Variants in CPQ observed in about 807,000 individuals in gnomAD.
CPQ encodes the protein Ser-Met dipeptidase.
A neutral mutation model predicts 45.7 loss-of-function variants in CPQ; 37 were observed. The ratio of observed to expected loss-of-function variants is 0.81; its 90% CI spans 0.62 to 1.07. The LOEUF (loss-of-function observed/expected upper bound fraction) is 1.07. Ranked by LOEUF, CPQ falls within the 50% of genes least tolerant of loss-of-function variation. The pLI is 0.00. For synonymous variants in CPQ, 186 were observed against 205.8 expected, an observed-to-expected ratio of 0.90 and a Z score of 0.82; for missense variants, 537 against 572.9, an observed-to-expected ratio of 0.94 and a Z score of 0.64.
At chr8:96,967,825 G>T (rs1434529744) in intron 5 of CPQ, among the ~76,000 whole-genome samples, 1 of 152,186 alleles carries the variant, frequency 6.6e-6, no homozygotes, top group African/African-American at 2.4e-5. Context: ...AGTCTGCTAG[G>T]TGTGTGGCCT....
chr8:97,068,049 G>A (rs1386126261), intron 7 of CPQ, among the ~76,000 whole-genome samples: 1 of 152,114 alleles, frequency 6.6e-6, no homozygotes, highest in South Asian at 2.1e-4. Context: ...TTCAAGGTGA[G>A]GTAAGGAGCT....
intron 1 of CPQ, among the ~76,000 whole-genome samples, chr8:96,710,055 T>C (rs1176344928): frequency 6.6e-6 from 1 of 152,114 alleles, no homozygotes; most frequent in Non-Finnish European, 1.5e-5. Context: ...AAATTACTGA[T>C]TCGATGTTAC....
chr8:96,938,115 C>T (rs28463602), intron 4 of CPQ, among the ~76,000 whole-genome samples: 14,918 of 152,242 alleles, frequency 0.098, 1,402 homozygotes, highest in African/African-American at 0.25. Context: ...TAGCTTCTTT[C>T]ACCAGCGTTA....
chr8:96,913,216 C>G (rs554777672), intron 4 of CPQ, among the ~76,000 whole-genome samples: 1 of 152,326 alleles, frequency 6.6e-6, no homozygotes, highest in African/African-American at 2.4e-5. Context: ...CCAGATGTCC[C>G]ATACATATGG....
At chr8:96,986,797 A>T (rs1453604589) in intron 5 of CPQ, among the ~76,000 whole-genome samples, 1 of 152,202 alleles carries the variant, frequency 6.6e-6, no homozygotes, top group Non-Finnish European at 1.5e-5. Context: ...CGTTTGAATC[A>T]CACACGTCTA....
At position 97,123,024 on chromosome 8, in the gene CPQ, T is replaced by TAAATAAAATA. The variant is rs71271115; in HGVS notation, c.1256-19983_1256-19974dup. ...AAATATAAAATAAAATAAAATAAAA[T>TAAATAAAATA]AAATAAAATAAAATAAAATAAATAA... On this transcript the variant is annotated intron_variant, in intron 7 of 7. Coordinates refer to ENST00000220763, the MANE Select transcript of CPQ (RefSeq NM_016134.4). Among the ~76,000 whole-genome samples, 9 of 26,406 alleles carry TAAATAAAATA rather than the reference T, an allele frequency of 3.4e-4. 1 individual carries two copies. Among genetic ancestry groups the TAAATAAAATA allele is most frequent in the Non-Finnish European group, 4.9e-4 (8 of 16,358 alleles). 17.3% of individuals were successfully genotyped at this position (26,406 alleles called of 152,430 possible). A position where few individuals can be genotyped will look rare whatever the true frequency, so the allele number is the denominator to read the frequency against.
chr8:97,050,192 A>G (rs946408283), intron 6 of CPQ, among the ~76,000 whole-genome samples: 2 of 152,200 alleles, frequency 1.3e-5, no homozygotes, highest in African/African-American at 4.8e-5. Flanking sequence ...TGCCTCACAC[A>G]TGAAAATCAA....
chr8:96,710,669 G>A (rs1197315779), intron 1 of CPQ, among the ~76,000 whole-genome samples: 3 of 152,142 alleles, frequency 2.0e-5, no homozygotes, highest in African/African-American at 7.2e-5. Context: ...GGTTCCATTT[G>A]AAGTTGATTT....
At chr8:96,869,001 A>G (rs1812030420) in intron 3 of CPQ, among the ~76,000 whole-genome samples, 1 of 152,038 alleles carries the variant, frequency 6.6e-6, no homozygotes, top group Non-Finnish European at 1.5e-5. Context: ...CAGTATTATC[A>G]TATAAATAAC....
intron 1 of CPQ, among the ~76,000 whole-genome samples, chr8:96,716,941 ATAATAATCT>A (rs1250478345): frequency 6.7e-6 from 1 of 148,962 alleles, no homozygotes; most frequent in Non-Finnish European, 1.5e-5. Flanking sequence ...ACACGCAAGA[ATAATAATCT>A]TCAATTCCAT....
At chr8:96,910,686 A>G (rs1812648241) in intron 4 of CPQ, among the ~76,000 whole-genome samples, 1 of 152,088 alleles carries the variant, frequency 6.6e-6, no homozygotes, top group Admixed American at 6.5e-5. Context: ...TTGTATATTT[A>G]GTAGAGACGG....
intron 7 of CPQ, among the ~76,000 whole-genome samples, chr8:97,139,125 A>G (rs1376913112): frequency 6.6e-6 from 1 of 152,200 alleles, no homozygotes; most frequent in Non-Finnish European, 1.5e-5. Context: ...AGGTGTGCCT[A>G]TCTTAATTAT....
At chr8:96,903,633 T>C (rs1250834156) in intron 4 of CPQ, among the ~76,000 whole-genome samples, 15 of 152,200 alleles carry the variant, frequency 9.9e-5, no homozygotes, top group Admixed American at 9.8e-4. Flanking sequence ...ATGTATATTT[T>C]CTCATTTATT....
chr8:96,675,544 G>A (rs1414024054), intron 1 of CPQ, among the ~76,000 whole-genome samples: 3 of 152,036 alleles, frequency 2.0e-5, no homozygotes, highest in Non-Finnish European at 4.4e-5. Context: ...CTCGTGCACA[G>A]ATCATTTTGT....
At chr8:97,028,714 T>G (rs1809843322) in intron 5 of CPQ, among the ~76,000 whole-genome samples, 1 of 152,214 alleles carries the variant, frequency 6.6e-6, no homozygotes, top group Non-Finnish European at 1.5e-5. Context: ...CCATAAAATT[T>G]AATAAGTCCA....
Position 96,754,888 on chromosome 8 carries a change from G to A in CPQ, c.-34-29976G>A, listed in dbSNP as rs1810311228. Among the ~76,000 whole-genome samples the A allele has an allele frequency of 7.3e-5, 11 of 151,492 alleles. No individual in the cohort carries two copies. The South Asian group carries it at 2.3e-3, about 31-fold the overall frequency. On this transcript the variant is annotated intron_variant, in intron 1 of 7. Transcript: ENST00000220763. ...TTTCTTTTTCAAAAAATTTAGATTT[G>A]TCAGAACTTTGTTGATTTAAAAACT...
At chr8:96,936,086 G>A (rs1405980173) in intron 4 of CPQ, among the ~76,000 whole-genome samples, 1 of 151,830 alleles carries the variant, frequency 6.6e-6, no homozygotes, top group Non-Finnish European at 1.5e-5. Flanking sequence ...GCCTTTTTGT[G>A]TAGTTCTCTT....
intron 6 of CPQ, among the ~76,000 whole-genome samples, chr8:97,059,674 A>G (rs1373689296): frequency 6.6e-6 from 1 of 152,158 alleles, no homozygotes; most frequent in Non-Finnish European, 1.5e-5. Flanking sequence ...ACCTTCATCC[A>G]CAGAAACTGG....
intron 5 of CPQ, among the ~76,000 whole-genome samples, chr8:96,999,772 T>G (rs72664542): frequency 0.11 from 17,019 of 152,178 alleles, 1,222 homozygotes; most frequent in Non-Finnish European, 0.16. Context: ...CATTGCTTGG[T>G]TGAATGGCAT....
Sources: allele counts gnomAD v4.1 joint callset (sites outside exome capture counted in the v4.1 genomes callset), GRCh38; gene constraint gnomAD v4.1.1; transcripts MANE v1.5; gene names NCBI Gene and HGNC (gene_info 2026-07-23, HGNC 2026-07-21).